Variants in STX3 observed in about 807,000 individuals in gnomAD.
STX3 encodes syntaxin 3.
A neutral mutation model predicts 40.2 loss-of-function variants in STX3; 19 were observed. The observed-to-expected ratio is 0.47, with a 90% confidence interval of 0.33 to 0.69. STX3 has a LOEUF of 0.69. STX3 is among the 30% of genes least tolerant of loss of function. The probability of loss-of-function intolerance (pLI) is 0.02; values close to 1 mark genes in which losing one functional copy is unlikely to be tolerated. For missense variants in STX3, 364 were observed against 366.7 expected (o/e 0.99, Z 0.06); for synonymous variants, 122 against 132.2 (o/e 0.92, Z 0.53).
In STX3 at chr11:59,797,377, A is replaced by C; in HGVS notation, c.*11A>C. ...GTTGGGCTGAATTAAGAGTGGCCTA[A>C]GAGGCTGCTGCACTGAAATGTAAGT... On this transcript the variant is annotated 3_prime_UTR_variant, in exon 10 of 11. Coordinates refer to ENST00000337979, the MANE Select transcript of STX3 (RefSeq NM_004177.5). 1 of 1,614,046 alleles carries C rather than the reference A, an allele frequency of 6.2e-7. No individual in the cohort carries two copies. The highest frequency in any genetic ancestry group is 8.5e-7 in the Non-Finnish European group (1 of 1,179,962).
At chr11:59,788,848 A>C in intron 3 of STX3, 25 bp from the exon 4 acceptor site, 2 of 1,604,598 alleles carry the variant, frequency 1.2e-6, no homozygotes, top group Non-Finnish European at 1.7e-6. Context: ...TTTCTAACGG[A>C]TTCTGCCTGC....
intron 1 of STX3, among the ~76,000 whole-genome samples, chr11:59,757,291 C>T (rs7103127): frequency 0.015 from 2,291 of 152,114 alleles, 60 homozygotes; most frequent in African/African-American, 0.051. Flanking sequence ...AAGAAGAGCA[C>T]GATTTTGAAG....
At chr11:59,798,685 A>G (rs571550526) in intron 10 of STX3, among the ~76,000 whole-genome samples, 2 of 151,488 alleles carry the variant, frequency 1.3e-5, no homozygotes, top group East Asian at 3.9e-4. Context: ...ACGCCCGGCT[A>G]ATTTTTGTAT....
chr11:59,762,698 G>A (rs1017151312), intron 1 of STX3, among the ~76,000 whole-genome samples: 1 of 148,850 alleles, frequency 6.7e-6, no homozygotes, highest in Non-Finnish European at 1.5e-5. Context: ...GGCCAGGACA[G>A]GAGACAGGGG....
At chr11:59,795,568 T>A (rs1377302205) in intron 9 of STX3, 86 bp downstream of exon 9, 1 of 1,548,116 alleles carries the variant, frequency 6.5e-7, no homozygotes, top group Non-Finnish European at 8.7e-7. Flanking sequence ...CTGTCTCTGT[T>A]TCTGCTGCCA....
At chr11:59,757,532 G>T (rs1014744631) in intron 1 of STX3, among the ~76,000 whole-genome samples, 1 of 152,164 alleles carries the variant, frequency 6.6e-6, no homozygotes, top group African/African-American at 2.4e-5. Context: ...GTGCCTCATG[G>T]TTACCCTCTG....
At chr11:59,793,194 A>G (rs1018217765) in intron 7 of STX3, 22 bp downstream of exon 7, 12 of 1,611,986 alleles carry the variant, frequency 7.4e-6, no homozygotes, top group Non-Finnish European at 1.0e-5. Context: ...GTGTGCTCGG[A>G]TAGCACATCC....
chr11:59,792,976 TGGG>T (rs1865290991), intron 6 of STX3, 120 bp from the exon 7 acceptor site: 1 of 855,668 alleles, frequency 1.2e-6, no homozygotes, highest in Non-Finnish European at 1.9e-6. Context: ...AGGAGGCAAT[TGGG>T]GGAGTGTTGT....
chr11:59,801,946 A>C lies in STX3; in HGVS notation c.*1122A>C. ...ATCAAGAAACTTGTTTTCTGGATGA[A>C]TACTGGGAGAATAAAATGAGAACTC... On this transcript the variant is annotated 3_prime_UTR_variant, in exon 11 of 11. Coordinates refer to ENST00000337979, the MANE Select transcript of STX3 (RefSeq NM_004177.5). The C allele has an allele frequency of 1.0e-6, 1 of 985,454 alleles. No individual in the cohort carries two copies. Among genetic ancestry groups the C allele is most frequent in the Non-Finnish European group, 1.2e-6 (1 of 829,936 alleles). The allele number at this position is 985,454 out of a possible 1,614,324, so 61.0% of individuals were successfully genotyped here.
At chr11:59,769,636 G>A (rs573820958) in intron 1 of STX3, among the ~76,000 whole-genome samples, 8 of 152,172 alleles carry the variant, frequency 5.3e-5, no homozygotes, top group African/African-American at 1.7e-4. Context: ...TGTGGATGTG[G>A]GGAATCCCTG....
rs1865870623 is a variant in STX3 at position 59,801,148 on chromosome 11, T to TG, written c.*327dup. 7.7e-7 allele frequency: 1 copy of TG among 1,305,316 alleles called. No individual in the cohort carries two copies. The highest frequency in any genetic ancestry group is 1.5e-5 in the African/African-American group (1 of 67,528). 80.9% of individuals were successfully genotyped at this position (1,305,316 alleles called of 1,614,324 possible). ...TGTGTGTCAGATTATGCCTTGCACT[T>TG]GGGAAAGCTCTTGTGAGACTCTCCC... is the stretch of plus-strand genomic sequence containing the variant. On this transcript the variant is annotated 3_prime_UTR_variant, in exon 11 of 11. Coordinates refer to ENST00000337979, the MANE Select transcript of STX3 (RefSeq NM_004177.5).
Position 59,801,478 on chromosome 11 carries a change from C to T in STX3, c.*654C>T. On this transcript the variant is annotated 3_prime_UTR_variant, in exon 11 of 11. Coordinates refer to ENST00000337979, the MANE Select transcript of STX3 (RefSeq NM_004177.5). ...GATTTTTCTCTGTGTTGTAGTCTCT[C>T]ATATTTACTCAAGGAGGGACCAGGA... 1 of 985,878 alleles carries T rather than the reference C, an allele frequency of 1.0e-6. No homozygotes were observed. Among genetic ancestry groups the T allele is most frequent in the South Asian group, 4.7e-5 (1 of 21,314 alleles). 61.1% of individuals were successfully genotyped at this position (985,878 alleles called of 1,614,324 possible).
chr11:59,755,784 C>A, intron 1 of STX3, 149 bp downstream of exon 1: 1 of 953,016 alleles, frequency 1.0e-6, no homozygotes, highest in African/African-American at 1.7e-5. Flanking sequence ...CGGTTCCGCA[C>A]CCTCCCCTCC....
In STX3 at chr11:59,781,593, C is replaced by T. The variant is rs575524479; in HGVS notation, c.115-5444C>T. Reference sequence around the variant, plus strand: ...GTTTTTACCATCACAAGTGATGATACAATCTGGCTTGGCCATTGCGCCCAT... The same window carrying T: ...GTTTTTACCATCACAAGTGATGATATAATCTGGCTTGGCCATTGCGCCCAT... On this transcript the variant is annotated intron_variant, in intron 2 of 10. Transcript: ENST00000337979. The T allele has an allele frequency of 3.5e-4, 562 of 1,613,836 alleles. 3 individuals carry two copies. In the African/African-American group the frequency reaches 6.3e-3, roughly 18 times the overall value.
chr11:59,793,056 A>G (rs1286260136), intron 6 of STX3, 43 bp from the exon 7 acceptor site: 2 of 1,596,796 alleles, frequency 1.3e-6, no homozygotes, highest in African/African-American at 2.7e-5. Flanking sequence ...ATGGTGTTTC[A>G]CCGTGATCTT....
chr11:59,784,893 G>A (rs1221050763), intron 2 of STX3, among the ~76,000 whole-genome samples: 1 of 152,094 alleles, frequency 6.6e-6, no homozygotes, highest in Non-Finnish European at 1.5e-5. Context: ...TAGCTGGGTA[G>A]GGCTGGAATG....
Position 59,805,870 on chromosome 11 carries a change from ATCAATTG to A in STX3, c.*5047_*5053del. 6.5e-6 allele frequency: 1 copy of A among 153,766 alleles called. No individual in the cohort carries two copies. The highest frequency in any genetic ancestry group is 1.4e-5 in the Non-Finnish European group (1 of 68,982). The allele number at this position is 153,766 out of a possible 1,614,324, so 9.5% of individuals were successfully genotyped here. ...GTAGCTGGGCATCAATAAATATTGAATCAATTGACCTATGTACTGTTGTTTTTTTCTT... is the reference window on the plus strand; with the variant it reads ...GTAGCTGGGCATCAATAAATATTGAAACCTATGTACTGTTGTTTTTTTCTT... On this transcript the variant is annotated 3_prime_UTR_variant, in exon 11 of 11. Transcript: ENST00000337979.
intron 1 of STX3, among the ~76,000 whole-genome samples, chr11:59,761,191 G>A (rs1863015805): frequency 6.6e-6 from 1 of 152,120 alleles, no homozygotes; most frequent in African/African-American, 2.4e-5. Context: ...GACATGGAAG[G>A]TTGCCCCTAT....
chr11:59,756,946 T>A (rs545060341), intron 1 of STX3, among the ~76,000 whole-genome samples: 129 of 152,324 alleles, frequency 8.5e-4, no homozygotes, highest in Non-Finnish European at 1.3e-3. Context: ...GATGAGACCT[T>A]CATTCCTGTT....
Sources: allele counts gnomAD v4.1 joint callset (sites outside exome capture counted in the v4.1 genomes callset), GRCh38; gene constraint gnomAD v4.1.1; transcripts MANE v1.5; gene names NCBI Gene and HGNC (gene_info 2026-07-23, HGNC 2026-07-21).